Variants in CSMD1 observed in about 807,000 individuals in gnomAD.
The protein encoded by CSMD1 is CUB and Sushi multiple domains 1.
In CSMD1, 213 loss-of-function variants were observed where a neutral mutation model predicts 417.5. The ratio of observed to expected loss-of-function variants is 0.51; its 90% confidence interval spans 0.46 to 0.57. The LOEUF (loss-of-function observed/expected upper bound fraction) is 0.57. Among genes scored for constraint, CSMD1 ranks in the 20% least tolerant of loss-of-function variants. The probability of loss-of-function intolerance (pLI) is 0.00; values close to 1 mark genes in which losing one functional copy is unlikely to be tolerated. For synonymous variants in CSMD1, 2,862 were observed against 1,736.8 expected (o/e 1.65, Z -16.11); for missense variants, 6,923 against 4,529.7 (o/e 1.53, Z -15.17).
intron 1 of CSMD1, among the ~76,000 whole-genome samples, chr8:4,932,424 A>C (rs2117196602): frequency 6.6e-6 from 1 of 152,286 alleles, no homozygotes; most frequent in East Asian, 1.9e-4. Flanking sequence ...GAAGACACGA[A>C]GACTTCCAAA....
At chr8:4,975,299 G>C (rs1810486589) in intron 1 of CSMD1, among the ~76,000 whole-genome samples, 1 of 152,200 alleles carries the variant, frequency 6.6e-6, no homozygotes, top group Non-Finnish European at 1.5e-5. Context: ...TATATCATTT[G>C]AAGAGAGACT....
At chr8:3,110,382 G>C in intron 42 of CSMD1, 47 bp from the exon 43 acceptor site, 1 of 1,496,964 alleles carries the variant, frequency 6.7e-7, no homozygotes, top group South Asian at 1.3e-5. Context: ...GCTGATTTTA[G>C]AGAGTAGAAA....
chr8:4,004,159 C>G (rs984434694), intron 4 of CSMD1, among the ~76,000 whole-genome samples: 1 of 151,936 alleles, frequency 6.6e-6, no homozygotes, highest in South Asian at 2.1e-4. Flanking sequence ...GAAATATAAA[C>G]ATTTTAATAT....
chr8:3,860,245 T>C (rs1274186944), intron 5 of CSMD1, among the ~76,000 whole-genome samples: 1 of 152,138 alleles, frequency 6.6e-6, no homozygotes, highest in African/African-American at 2.4e-5. Flanking sequence ...CCTACTCTGT[T>C]TCAGTCAGAC....
intron 2 of CSMD1, among the ~76,000 whole-genome samples, chr8:4,555,436 C>T (rs927873465): frequency 6.6e-6 from 1 of 152,084 alleles, no homozygotes. Flanking sequence ...TTTGGACATG[C>T]TGTTGTCAAG....
chr8:4,256,226 G>A (rs1803446104), intron 3 of CSMD1, among the ~76,000 whole-genome samples: 1 of 152,176 alleles, frequency 6.6e-6, no homozygotes, highest in African/African-American at 2.4e-5. Context: ...GTGCATTTGT[G>A]CTCAAACCAA....
At chr8:4,837,727 C>A (rs1563547092) in intron 1 of CSMD1, among the ~76,000 whole-genome samples, 1 of 151,934 alleles carries the variant, frequency 6.6e-6, no homozygotes, top group Non-Finnish European at 1.5e-5. Context: ...TCAGTAATAA[C>A]CGTACATTTA....
intron 1 of CSMD1, among the ~76,000 whole-genome samples, chr8:4,920,976 AAGAAACAAAGAAAG>A (rs1262422784): frequency 2.5e-4 from 1 of 4,004 alleles, no homozygotes; most frequent in Non-Finnish European, 8.0e-4. Context: ...GAAAGAAAGA[AAGAAACAAAGAAAG>A]AAAGAAAAGA....
At chr8:4,989,841 G>A (rs1285363629) in intron 1 of CSMD1, among the ~76,000 whole-genome samples, 2 of 152,312 alleles carry the variant, frequency 1.3e-5, no homozygotes, top group South Asian at 2.1e-4. Context: ...TTGTTTATCT[G>A]TTTCTTAAAG....
At chr8:4,943,663 T>A (rs559426441) in intron 1 of CSMD1, among the ~76,000 whole-genome samples, 85 of 152,340 alleles carry the variant, frequency 5.6e-4, no homozygotes, top group Non-Finnish European at 1.1e-3. Context: ...TTATCCTATC[T>A]AGAACTTTGC....
intron 7 of CSMD1, among the ~76,000 whole-genome samples, chr8:3,650,616 T>G (rs1797806269): frequency 6.6e-6 from 1 of 152,182 alleles, no homozygotes; most frequent in African/African-American, 2.4e-5. Flanking sequence ...ATGAATGTAC[T>G]GAGCTCCCGG....
At chr8:3,573,117 C>A (rs1800010433) in intron 10 of CSMD1, among the ~76,000 whole-genome samples, 1 of 151,974 alleles carries the variant, frequency 6.6e-6, no homozygotes. Context: ...TTATCTTATG[C>A]TTGTTTCTGT....
chr8:3,981,440 C>T (rs1212223330), intron 5 of CSMD1, among the ~76,000 whole-genome samples: 1 of 143,706 alleles, frequency 7.0e-6, no homozygotes, highest in Non-Finnish European at 1.5e-5. Flanking sequence ...CAAATCACCG[C>T]TAAAGAACTT....
At chr8:4,663,871 G>T (rs757417325) in intron 1 of CSMD1, among the ~76,000 whole-genome samples, 1 of 152,148 alleles carries the variant, frequency 6.6e-6, no homozygotes, top group South Asian at 2.1e-4. Flanking sequence ...ACCTGGGCTG[G>T]ATCAGGAAAA....
At position 4,461,685 on chromosome 8, in the gene CSMD1, G is replaced by C. The variant is rs117502688; in HGVS notation, c.303-41620C>G. Among the ~76,000 whole-genome samples the C allele has an allele frequency of 2.5e-3, 380 of 151,454 alleles. 1 individual carries two copies. The highest frequency in any genetic ancestry group is 8.9e-3 in the African/African-American group (369 of 41,286). On this transcript the variant is annotated intron_variant, in intron 2 of 69. Transcript: ENST00000635120. ...CCCACCTCAGCCTGCTGTATAGCTG[G>C]GGCCATGGGCAAACACCACCATAGC...
intron 3 of CSMD1, among the ~76,000 whole-genome samples, chr8:4,042,258 T>C (rs916198617): frequency 5.9e-5 from 9 of 152,050 alleles, no homozygotes; most frequent in African/African-American, 2.2e-4. Flanking sequence ...AATACAGCAA[T>C]GAAGAAAAAA....
chr8:4,667,816 T>G (rs372943447), intron 1 of CSMD1, among the ~76,000 whole-genome samples: 4 of 152,190 alleles, frequency 2.6e-5, no homozygotes, highest in Admixed American at 1.3e-4. Context: ...GATAATCTTA[T>G]TTTATCCTTC....
intron 1 of CSMD1, among the ~76,000 whole-genome samples, chr8:4,694,461 C>T (rs1222142531): frequency 2.0e-5 from 3 of 152,214 alleles, no homozygotes; most frequent in South Asian, 2.1e-4. Flanking sequence ...AAGCGATTCT[C>T]CTGCCTCAGC....
At position 3,166,696 on chromosome 8, in the gene CSMD1, G is replaced by C. The variant is rs1453844017; in HGVS notation, c.5726-4419C>G. Among the ~76,000 whole-genome samples, 5 of 151,976 alleles carry C rather than the reference G, an allele frequency of 3.3e-5. No individual in the cohort carries two copies. In the East Asian group the frequency reaches 9.7e-4, roughly 29 times the overall value. On this transcript the variant is annotated intron_variant, in intron 37 of 69. Transcript: ENST00000635120. ...AATAATGGGCAAACCTATAGAAATA[G>C]ACATTTATAAGTATTTATATAGACA...
Sources: gnomAD v4.1 joint callset for allele counts (sites outside exome capture counted in the v4.1 genomes callset) on GRCh38, gnomAD v4.1.1 for gene constraint, MANE v1.5 for transcripts, NCBI Gene and HGNC (gene_info 2026-07-23, HGNC 2026-07-21) for gene names.